MAST2: variants seen among roughly 807,000 people sequenced by gnomAD.
MAST2 encodes the protein microtubule associated serine/threonine kinase 2.
MAST2 carries 70 observed loss-of-function variants against 147.4 expected under a neutral mutation model. The ratio of observed to expected loss-of-function variants is 0.47; its 90% CI spans 0.39 to 0.58. MAST2 has a LOEUF of 0.58. Among genes scored for constraint, MAST2 ranks in the 20% least tolerant of loss-of-function variants. The probability of loss-of-function intolerance (pLI) is 0.00; values close to 1 mark genes in which losing one functional copy is unlikely to be tolerated. For synonymous variants in MAST2, 869 were observed against 896.8 expected (o/e 0.97, Z 0.55); for missense variants, 2,080 against 2,302.3 (o/e 0.90, Z 1.98).
At chr1:45,941,274 T>C (rs1003067823) in intron 4 of MAST2, among the ~76,000 whole-genome samples, 2 of 152,214 alleles carry the variant, frequency 1.3e-5, no homozygotes, top group African/African-American at 4.8e-5. Context: ...TGTTTTTGTT[T>C]GTTTTGACAG....
At chr1:45,919,013 C>T (rs181911178) in intron 4 of MAST2, among the ~76,000 whole-genome samples, 5 of 152,266 alleles carry the variant, frequency 3.3e-5, no homozygotes, top group Non-Finnish European at 7.4e-5. Flanking sequence ...ATCCCTGCTA[C>T]TCTGGCGGCT....
At position 46,023,050 on chromosome 1, in the gene MAST2, A is replaced by G; in HGVS notation, c.1485+79A>G. 2.1e-6 allele frequency: 3 copies of G among 1,412,756 alleles called. No individual in the cohort carries two copies. The highest frequency in any genetic ancestry group is 3.0e-6 in the Non-Finnish European group (3 of 1,002,294). The allele number at this position is 1,412,756 out of a possible 1,614,324, so 87.5% of individuals were successfully genotyped here. On this transcript the variant is annotated intron_variant, in intron 13 of 28. Coordinates refer to ENST00000361297, the MANE Select transcript of MAST2 (RefSeq NM_015112.3). This position sits in a 1 kb window ranked among gnomAD's most constrained non-coding sequence, Gnocchi z 4.9. ...AGAGCTATGAATTCTCTTTAAGAGA[A>G]TATCTGAGGAAGGGATGGGGGAGTT... is the stretch of plus-strand genomic sequence containing the variant.
chr1:45,867,616 G>T (rs1444296475), intron 3 of MAST2, among the ~76,000 whole-genome samples: 1 of 152,150 alleles, frequency 6.6e-6, no homozygotes, highest in Non-Finnish European at 1.5e-5. Context: ...CCAATTATGA[G>T]ACTGTTGTGG....
intron 4 of MAST2, among the ~76,000 whole-genome samples, chr1:45,892,974 A>G (rs1648089063): frequency 6.6e-6 from 1 of 152,220 alleles, no homozygotes; most frequent in Non-Finnish European, 1.5e-5. Context: ...TATAACTTAT[A>G]ATATTCTTGT....
intron 3 of MAST2, chr1:45,846,994 A>G (rs1404210716): frequency 1.8e-5 from 5 of 283,084 alleles, no homozygotes; most frequent in Non-Finnish European, 3.7e-5. Context: ...GAAGATGATT[A>G]GGCTAATCCA....
chr1:45,964,396 C>T (rs1347482686), intron 5 of MAST2, among the ~76,000 whole-genome samples: 2 of 152,088 alleles, frequency 1.3e-5, no homozygotes, highest in African/African-American at 4.8e-5. Flanking sequence ...ATTTCAGAGC[C>T]TGTCATTGGT....
At chr1:45,998,967 C>T (rs997480248) in intron 6 of MAST2, among the ~76,000 whole-genome samples, 8 of 152,054 alleles carry the variant, frequency 5.3e-5, no homozygotes, top group East Asian at 1.9e-4. Flanking sequence ...CTCCTGACCT[C>T]GTGATCCACC....
chr1:45,838,376 T>C (rs10736427), intron 3 of MAST2, among the ~76,000 whole-genome samples: 120,693 of 151,464 alleles, frequency 0.8, 48,569 homozygotes, highest in East Asian at 0.98. Context: ...TGCACCACCA[T>C]GCCTGGCTAA....
intron 3 of MAST2, among the ~76,000 whole-genome samples, chr1:45,844,449 ATT>A (rs1645369576): frequency 1.3e-5 from 2 of 151,792 alleles, no homozygotes; most frequent in Non-Finnish European, 2.9e-5. Flanking sequence ...TGCCCAGCTA[ATT>A]TTTTGTATTT....
rs377740424 is a variant in MAST2 at position 45,829,502 on chromosome 1, C to T, written c.389C>T (p.Ser130Leu). The T allele has an allele frequency of 3.0e-5, 48 of 1,614,000 alleles. No individual in the cohort carries two copies. Among genetic ancestry groups the T allele is most frequent in the East Asian group, 4.5e-5 (2 of 44,898 alleles). Reference protein sequence around the residue: ...HSSVGQVTWQSSGEASNLVRM... With the variant: ...HSSVGQVTWQLSGEASNLVRM... Reference sequence around the variant, plus strand: ...AGTGTGGGACAGGTGACTTGGCAGTCGTCAGGAGAAGCATCAAACCTGGTT... The same window carrying T: ...AGTGTGGGACAGGTGACTTGGCAGTTGTCAGGAGAAGCATCAAACCTGGTT... The change falls in exon 3 of 29, where the codon TCG (serine) becomes TTG (leucine). Residue 130 changes from serine (S) to leucine (L), a missense_variant. This residue lies in a region of MAST2 where 569 missense variants were observed against 642.5 expected (regional missense o/e 0.89). Coordinates refer to ENST00000361297, the MANE Select transcript of MAST2 (RefSeq NM_015112.3).
chr1:45,885,160 A>G (rs547500658), intron 4 of MAST2, among the ~76,000 whole-genome samples: 1 of 152,266 alleles, frequency 6.6e-6, no homozygotes, highest in South Asian at 2.1e-4. Context: ...GAAAATTTTT[A>G]AAGTTTCTAT....
chr1:46,016,253 C>T (rs895651887), intron 10 of MAST2, among the ~76,000 whole-genome samples: 2 of 127,832 alleles, frequency 1.6e-5, no homozygotes, highest in African/African-American at 5.6e-5. Context: ...TGGAAGCATT[C>T]CCTTTGAAAA....
At position 46,034,626 on chromosome 1, in the gene MAST2, C is replaced by T. The variant is rs917721596; in HGVS notation, c.3957C>T (p.Leu1319=). The change falls in exon 29 of 29, where the codon CTC becomes CTT. Residue 1319 remains leucine (L), a synonymous_variant. Transcript: ENST00000361297. ...AGSGHTRPSS[L]HGLAPKLQRQ... ...CTGGGCACACACGGCCCAGCTCCCT[C>T]CACGGTCTGGCACCCAAGCTCCAAC... 1 of 1,614,150 alleles carries T rather than the reference C, an allele frequency of 6.2e-7. No individual in the cohort carries two copies. The highest frequency in any genetic ancestry group is 1.3e-5 in the African/African-American group (1 of 75,032).
chr1:45,828,399 A>G (rs1644855037), intron 2 of MAST2, among the ~76,000 whole-genome samples: 1 of 152,224 alleles, frequency 6.6e-6, no homozygotes, highest in Non-Finnish European at 1.5e-5. Flanking sequence ...GAGTGAGTGA[A>G]TAAGTGTGGA....
intron 5 of MAST2, among the ~76,000 whole-genome samples, chr1:45,995,017 T>C (rs1320759758): frequency 6.6e-6 from 1 of 151,910 alleles, no homozygotes; most frequent in Non-Finnish European, 1.5e-5. Flanking sequence ...TTTTTTGTAT[T>C]TTTTAGTAGA....
intron 5 of MAST2, among the ~76,000 whole-genome samples, chr1:45,984,533 T>C (rs2149078303): frequency 6.6e-6 from 1 of 152,108 alleles, no homozygotes; most frequent in African/African-American, 2.4e-5. Flanking sequence ...GGTCTTGAAC[T>C]CTTGGCCTCA....
At chr1:45,945,973 A>G (rs910867432) in intron 4 of MAST2, among the ~76,000 whole-genome samples, 2 of 152,232 alleles carry the variant, frequency 1.3e-5, no homozygotes, top group Non-Finnish European at 2.9e-5. Flanking sequence ...AAAAATCTAT[A>G]GTCTCACTGG....
intron 5 of MAST2, among the ~76,000 whole-genome samples, chr1:45,982,852 G>C (rs2149068481): frequency 6.6e-6 from 1 of 152,226 alleles, no homozygotes; most frequent in South Asian, 2.1e-4. Flanking sequence ...CTTAAACTGT[G>C]GGGTCTATGC....
At chr1:45,820,008 A>G (rs901978123) in intron 1 of MAST2, among the ~76,000 whole-genome samples, 2 of 152,192 alleles carry the variant, frequency 1.3e-5, no homozygotes, top group African/African-American at 4.8e-5. Flanking sequence ...AGACCAATAG[A>G]ACGGAATAGA....
Sources: gnomAD v4.1 joint callset for allele counts (sites outside exome capture counted in the v4.1 genomes callset) on GRCh38, gnomAD v4.1.1 for gene constraint, gnomAD v4.1.1 regional missense constraint, Gnocchi (gnomAD v3.1) non-coding constraint, MANE v1.5 for transcripts, NCBI Gene and HGNC (gene_info 2026-07-23, HGNC 2026-07-21) for gene names.